Variants in INPP5F observed in about 807,000 individuals in gnomAD.
INPP5F encodes the protein phosphatidylinositide 4-phosphatase SAC2.
Under a neutral mutation model 137.2 loss-of-function variants are expected in INPP5F, and 97 were observed. That is an observed-to-expected ratio of 0.71 (90% CI 0.60 to 0.84). INPP5F has a LOEUF of 0.84. INPP5F is among the 40% of genes least tolerant of loss of function. INPP5F has a pLI of 0.00. For synonymous variants in INPP5F, 504 were observed against 476.9 expected, an observed-to-expected ratio of 1.06 and a Z score of -0.74; for missense variants, 1,271 against 1,371.9, an observed-to-expected ratio of 0.93 and a Z score of 1.16.
Position 119,829,008 on chromosome 10 carries a change from G to A in INPP5F, c.*1228G>A, listed in dbSNP as rs11554480. The A allele has an allele frequency of 0.057, 8,650 of 152,672 alleles. 425 individuals are homozygous for A. Among genetic ancestry groups the A allele is most frequent in the South Asian group, 0.27 (1,305 of 4,828 alleles). The allele number at this position is 152,672 out of a possible 1,614,324, so 9.5% of individuals were successfully genotyped here. Reference sequence around the variant, plus strand: ...GGTGTCTTTAGAGCTTTACTCTGTTGAAGTGACTGATTCTCAACTGAACAT... The same window carrying A: ...GGTGTCTTTAGAGCTTTACTCTGTTAAAGTGACTGATTCTCAACTGAACAT... On this transcript the variant is annotated 3_prime_UTR_variant, in exon 20 of 20. Transcript: ENST00000650623.
At chr10:119,814,038 T>C (rs1020856691) in intron 15 of INPP5F, among the ~76,000 whole-genome samples, 9 of 152,188 alleles carry the variant, frequency 5.9e-5, no homozygotes, top group Admixed American at 1.3e-4. Context: ...TCCAGCACTA[T>C]AGAATTTGAC....
chr10:119,820,759 C>A, intron 15 of INPP5F, 87 bp from the exon 16 acceptor site: 2 of 1,065,250 alleles, frequency 1.9e-6, no homozygotes, highest in Non-Finnish European at 1.5e-6. Context: ...AATTTTTTGT[C>A]CTAAGTAGCT....
At chr10:119,758,410 CCA>C (rs1213230784) in intron 2 of INPP5F, among the ~76,000 whole-genome samples, 1 of 152,110 alleles carries the variant, frequency 6.6e-6, no homozygotes, top group Non-Finnish European at 1.5e-5. Context: ...TGCAAAAGGC[CCA>C]CATGATTGAT....
chr10:119,726,397 A>T, intron 1 of INPP5F, 38 bp downstream of exon 1: 3 of 1,159,748 alleles, frequency 2.6e-6, no homozygotes, highest in African/African-American at 1.6e-5. Context: ...ACCCCGGGCC[A>T]GGGCGGGGAG....
intron 2 of INPP5F, among the ~76,000 whole-genome samples, chr10:119,759,021 A>C (rs575723119): frequency 6.0e-4 from 92 of 152,094 alleles, no homozygotes; most frequent in African/African-American, 2.1e-3. Flanking sequence ...TGGAAACCCC[A>C]CTCCTTAAGT....
At chr10:119,746,350 T>C (rs1311358451) in intron 1 of INPP5F, among the ~76,000 whole-genome samples, 1 of 152,208 alleles carries the variant, frequency 6.6e-6, no homozygotes, top group Non-Finnish European at 1.5e-5. Flanking sequence ...TAAAGCTTAT[T>C]TGGTACCCAA....
chr10:119,737,320 C>CT (rs1393735671), intron 1 of INPP5F, among the ~76,000 whole-genome samples: 1 of 152,194 alleles, frequency 6.6e-6, no homozygotes, highest in African/African-American at 2.4e-5. Context: ...CAGGCATCAT[C>CT]TTTCAGTCAG....
At chr10:119,801,722 G>C (rs1850601746) in intron 9 of INPP5F, among the ~76,000 whole-genome samples, 2 of 151,886 alleles carry the variant, frequency 1.3e-5, no homozygotes, top group Admixed American at 6.6e-5. Flanking sequence ...CCTGGGTGAT[G>C]GAGTGAGACT....
At chr10:119,750,468 A>G (rs1848660544) in intron 1 of INPP5F, among the ~76,000 whole-genome samples, 2 of 152,126 alleles carry the variant, frequency 1.3e-5, no homozygotes, top group African/African-American at 4.8e-5. Flanking sequence ...CTAATTTCTC[A>G]TATGGAAGAA....
chr10:119,794,514 C>G (rs1052528091), intron 6 of INPP5F, among the ~76,000 whole-genome samples: 1 of 151,962 alleles, frequency 6.6e-6, no homozygotes, highest in Non-Finnish European at 1.5e-5. Context: ...CATCATGGCC[C>G]GTTCTCAATG....
At chr10:119,779,172 A>C (rs938291831) in intron 2 of INPP5F, among the ~76,000 whole-genome samples, 5 of 152,142 alleles carry the variant, frequency 3.3e-5, no homozygotes, top group Non-Finnish European at 5.9e-5. Flanking sequence ...TTTCATCTAA[A>C]CATAGAAATG....
At chr10:119,749,182 G>A (rs1848623397) in intron 1 of INPP5F, among the ~76,000 whole-genome samples, 1 of 152,252 alleles carries the variant, frequency 6.6e-6, no homozygotes, top group Non-Finnish European at 1.5e-5. Context: ...TGTGGGGAAA[G>A]AGGGTCTTCC....
rs181750207 is a variant in INPP5F, at chr10:119,746,071, A to T, written c.98-5005A>T. ...TTTACTTTTCTAGCATTATCAATTC[A>T]TATCTCCAGTGTACCTACTGGTCTT... On this transcript the variant is annotated intron_variant, in intron 1 of 19. Coordinates refer to ENST00000650623, the MANE Select transcript of INPP5F (RefSeq NM_014937.4). 1.4e-3 allele frequency among the ~76,000 whole-genome samples: 218 copies of T among 152,190 alleles called. 1 individual carries two copies. Among genetic ancestry groups the T allele is most frequent in the South Asian group, 3.7e-3 (18 of 4,820 alleles).
chr10:119,805,573 T>G (rs1850748007), intron 11 of INPP5F, 112 bp downstream of exon 11: 1 of 735,370 alleles, frequency 1.4e-6, no homozygotes, highest in Non-Finnish European at 2.3e-6. Flanking sequence ...TTGTTCGTTT[T>G]GCTTCCCAGT....
At chr10:119,731,078 C>T (rs1020902020) in intron 1 of INPP5F, among the ~76,000 whole-genome samples, 4 of 152,066 alleles carry the variant, frequency 2.6e-5, no homozygotes, top group Non-Finnish European at 5.9e-5. Context: ...TGAGCCACCG[C>T]GCCTGGCCTG....
rs751284958 is a variant in INPP5F at position 119,822,490 on chromosome 10, A to T, written c.2018A>T (p.Glu673Val). 6 of 1,504,082 alleles carry T rather than the reference A, an allele frequency of 4.0e-6. No individual in the cohort carries two copies. The highest frequency in any genetic ancestry group is 3.6e-5 in the Admixed American group (2 of 55,344). 93.2% of individuals were successfully genotyped at this position (1,504,082 alleles called of 1,614,324 possible). The change falls in exon 17 of 20, where the codon GAA (glutamate) becomes GTA (valine). Residue 673 changes from glutamate (E) to valine (V), a missense_variant. Around this residue, in one of 6 missense-constraint regions of INPP5F, gnomAD observed 593 missense variants for 712.4 expected, o/e 0.83. Transcript: ENST00000650623. ...QYQRLSLENL[E>V]KIEIGPEPTL... ...CAACGACTAAGTCTAGAAAACCTGG[A>T]AAAAATTGAAATAGGTAAGTTTTAA... is the stretch of plus-strand genomic sequence containing the variant.
chr10:119,736,001 G>A (rs932478348), intron 1 of INPP5F, among the ~76,000 whole-genome samples: 2 of 152,188 alleles, frequency 1.3e-5, no homozygotes, highest in African/African-American at 4.8e-5. Flanking sequence ...GTGGTGGCGA[G>A]CGCCGGTAAT....
chr10:119,823,964 A>G, intron 19 of INPP5F, 62 bp downstream of exon 19: 1 of 1,293,332 alleles, frequency 7.7e-7, no homozygotes, highest in East Asian at 2.3e-5. Context: ...TTTGTTTAAA[A>G]TTATTTGCAG....
Position 119,810,127 on chromosome 10 carries a change from A to T in INPP5F, c.1597A>T (p.Lys533Ter). The T allele has an allele frequency of 1.2e-6, 2 of 1,612,692 alleles. No individual in the cohort carries two copies. Among genetic ancestry groups the T allele is most frequent in the South Asian group, 2.2e-5 (2 of 91,002 alleles). ...TGACTTTACAAGGACAGGAGAAAGG[A>T]AGTTAGCAGGAGTTATGAAAGATGG... ...KGDFTRTGER[K>*]LAGVMKDGVN... Residue 533 changes from lysine to a stop codon, truncating the protein, a stop_gained, in exon 14 of 20, where the codon AAG becomes TAG. Transcript: ENST00000650623. LOFTEE classifies it high-confidence loss of function.
Sources: gnomAD v4.1 joint callset for allele counts (sites outside exome capture counted in the v4.1 genomes callset) on GRCh38, gnomAD v4.1.1 for gene constraint, gnomAD v4.1.1 regional missense constraint, MANE v1.5 for transcripts, NCBI Gene and HGNC (gene_info 2026-07-23, HGNC 2026-07-21) for gene names.